Variants in PDS5B observed in about 807,000 individuals in gnomAD.
The protein encoded by PDS5B is PDS5 cohesin associated factor B.
PDS5B carries 51 observed loss-of-function variants against 184.1 expected under a neutral mutation model. The observed-to-expected ratio is 0.28, with a 90% CI of 0.22 to 0.35. PDS5B has a LOEUF of 0.35. PDS5B is among the 10% of genes least tolerant of loss of function. PDS5B has a pLI of 1.00. For missense variants in PDS5B, 1,180 were observed against 1,723.3 expected (o/e 0.68, Z 5.58); for synonymous variants, 566 against 569.2 (o/e 0.99, Z 0.08).
At chr13:32,707,507 G>T (rs977942101) in intron 18 of PDS5B, among the ~76,000 whole-genome samples, 1 of 149,902 alleles carries the variant, frequency 6.7e-6, no homozygotes, top group Non-Finnish European at 1.5e-5. Context: ...CAAATGCATA[G>T]TTGGGATCAT....
intron 19 of PDS5B, among the ~76,000 whole-genome samples, chr13:32,726,483 A>G (rs998597000): frequency 2.6e-5 from 4 of 152,180 alleles, no homozygotes; most frequent in South Asian, 2.1e-4. Context: ...TGCATGTACA[A>G]TTTTGCTAGG....
At chr13:32,730,697 TC>T (rs1163306306) in intron 19 of PDS5B, among the ~76,000 whole-genome samples, 2 of 152,188 alleles carry the variant, frequency 1.3e-5, no homozygotes, top group Non-Finnish European at 2.9e-5. Context: ...TATTTTATTT[TC>T]TTTGTAGCAA....
At chr13:32,624,187 T>C (rs2058340960) in intron 1 of PDS5B, among the ~76,000 whole-genome samples, 1 of 152,204 alleles carries the variant, frequency 6.6e-6, no homozygotes, top group African/African-American at 2.4e-5. Context: ...TTATTCTCCC[T>C]TTTATCCCCC....
At chr13:32,733,757 G>C (rs1439594195) in intron 20 of PDS5B, among the ~76,000 whole-genome samples, 1 of 152,056 alleles carries the variant, frequency 6.6e-6, no homozygotes, top group Non-Finnish European at 1.5e-5. Flanking sequence ...ACGGTGAAAA[G>C]TTCCCCCACC....
At chr13:32,682,699 C>T (rs543414889) in intron 10 of PDS5B, among the ~76,000 whole-genome samples, 2 of 152,282 alleles carry the variant, frequency 1.3e-5, no homozygotes, top group African/African-American at 4.8e-5. Context: ...AAAACAGTCT[C>T]CATATTAGTT....
chr13:32,754,623 T>C (rs1016854704), intron 25 of PDS5B, among the ~76,000 whole-genome samples: 5 of 152,192 alleles, frequency 3.3e-5, no homozygotes, highest in African/African-American at 1.2e-4. Flanking sequence ...GTGAGGGGTC[T>C]GCAGTCACAT....
At chr13:32,758,694 T>C (rs765490874) in intron 28 of PDS5B, 41 bp downstream of exon 28, 15 of 1,598,718 alleles carry the variant, frequency 9.4e-6, no homozygotes, top group Non-Finnish European at 1.3e-5. Flanking sequence ...TGAAATAAAA[T>C]GTATTCTCAG....
chr13:32,666,064 G>A (rs1217458795), intron 6 of PDS5B, among the ~76,000 whole-genome samples: 1 of 152,012 alleles, frequency 6.6e-6, no homozygotes, highest in East Asian at 1.9e-4. Flanking sequence ...AGAAGGCATA[G>A]TTCTTTCTAG....
At chr13:32,679,353 C>A (rs949364858) in intron 10 of PDS5B, among the ~76,000 whole-genome samples, 2 of 152,106 alleles carry the variant, frequency 1.3e-5, no homozygotes, top group Non-Finnish European at 2.9e-5. Context: ...ATGCTTCCAA[C>A]CTATGTAGGA....
intron 19 of PDS5B, among the ~76,000 whole-genome samples, chr13:32,725,361 G>A (rs1335431290): frequency 6.6e-6 from 1 of 152,020 alleles, no homozygotes; most frequent in Non-Finnish European, 1.5e-5. Flanking sequence ...AATCTTGGAA[G>A]CCTCTTCAAG....
chr13:32,624,912 G>T (rs1275162492), intron 1 of PDS5B, among the ~76,000 whole-genome samples: 3 of 152,020 alleles, frequency 2.0e-5, no homozygotes, highest in African/African-American at 7.2e-5. Flanking sequence ...TTTTTGTGCA[G>T]ATAAGAGACA....
intron 1 of PDS5B, among the ~76,000 whole-genome samples, chr13:32,627,064 T>C (rs2058381407): frequency 6.6e-6 from 1 of 152,174 alleles, no homozygotes; most frequent in Admixed American, 6.6e-5. Flanking sequence ...AAAGATAATA[T>C]TACCTTCAAA....
intron 14 of PDS5B, among the ~76,000 whole-genome samples, chr13:32,694,987 C>CTCAA: frequency 6.6e-6 from 1 of 151,532 alleles, no homozygotes. Context: ...AGTGCTTTTT[C>CTCAA]TCAATCTCCC....
intron 1 of PDS5B, among the ~76,000 whole-genome samples, chr13:32,620,342 G>C (rs1336361955): frequency 6.6e-6 from 1 of 152,020 alleles, no homozygotes; most frequent in African/African-American, 2.4e-5. Context: ...TAGTATGCTG[G>C]CCAGGGTCCT....
At chr13:32,682,006 A>G (rs894319280) in intron 10 of PDS5B, among the ~76,000 whole-genome samples, 3 of 152,212 alleles carry the variant, frequency 2.0e-5, no homozygotes, top group African/African-American at 7.2e-5. Context: ...GATATGACAT[A>G]CAGAGATAAC....
intron 1 of PDS5B, among the ~76,000 whole-genome samples, chr13:32,591,379 A>G (rs2057773272): frequency 6.6e-6 from 1 of 152,108 alleles, no homozygotes; most frequent in African/African-American, 2.4e-5. Flanking sequence ...GGCCTCCCAA[A>G]GTGCTGAGAT....
At chr13:32,694,353 A>T (rs1235820157) in intron 14 of PDS5B, 49 bp downstream of exon 14, 1 of 1,106,976 alleles carries the variant, frequency 9.0e-7, no homozygotes. Flanking sequence ...CATGTATTTT[A>T]ATTACTATTT....
chr13:32,614,369 C>T (rs987718781), intron 1 of PDS5B, among the ~76,000 whole-genome samples: 2 of 150,730 alleles, frequency 1.3e-5, no homozygotes, highest in African/African-American at 2.4e-5. Flanking sequence ...GTGATCTCAG[C>T]TCACTGCAAC....
At chr13:32,597,356 T>C (rs2057893429) in intron 1 of PDS5B, among the ~76,000 whole-genome samples, 1 of 151,966 alleles carries the variant, frequency 6.6e-6, no homozygotes, top group South Asian at 2.1e-4. Context: ...TAATTTCTTT[T>C]TCACATGTTA....
Sources: gnomAD v4.1 joint callset for allele counts (sites outside exome capture counted in the v4.1 genomes callset) on GRCh38, gnomAD v4.1.1 for gene constraint, MANE v1.5 for transcripts, NCBI Gene and HGNC (gene_info 2026-07-23, HGNC 2026-07-21) for gene names.